Variants in ADAMTS6 observed in about 807,000 individuals in gnomAD.
ADAMTS6 encodes the protein ADAM metallopeptidase with thrombospondin type 1 motif 6.
ADAMTS6 carries 23 observed loss-of-function variants against 144.3 expected under a neutral mutation model. The observed-to-expected ratio is 0.16, with a 90% confidence interval of 0.11 to 0.23. The LOEUF (loss-of-function observed/expected upper bound fraction) is 0.23. Among genes scored for constraint, ADAMTS6 ranks in the 10% least tolerant of loss-of-function variants. The pLI, the probability that ADAMTS6 is intolerant of heterozygous loss-of-function variation, is 1.00. For missense variants in ADAMTS6, 999 were observed against 1,379.6 expected (o/e 0.72, Z 4.37); for synonymous variants, 444 against 457.5 (o/e 0.97, Z 0.38).
intron 9 of ADAMTS6, among the ~76,000 whole-genome samples, chr5:65,309,148 T>C (rs1444023316): frequency 6.6e-6 from 1 of 151,996 alleles, no homozygotes; most frequent in Non-Finnish European, 1.5e-5. Context: ...TCAGGGTGAT[T>C]GAAGCACATT....
Position 65,216,355 on chromosome 5 carries a change from C to T in ADAMTS6, c.2273-868G>A, listed in dbSNP as rs566906001. Among the ~76,000 whole-genome samples the T allele has an allele frequency of 2.0e-5, 3 of 146,722 alleles. No individual in the cohort carries two copies. In the South Asian group the frequency reaches 6.4e-4, roughly 31 times the overall value. ...GGAAAGATCACATATAGTATGCTTC[C>T]ATCTATATAAAATGTCCAGAGTAGG... On this transcript the variant is annotated intron_variant, in intron 18 of 24. Transcript: ENST00000381055.
rs1266922555 is a variant in ADAMTS6, at chr5:65,481,430, C to CT, written c.-368dup. On this transcript the variant is annotated 5_prime_UTR_variant, in exon 1 of 25. Transcript: ENST00000381055. ...CTCACGTACTCCCTCTCCTCTCTAA[C>CT]TTTTTTTAATTTTTTTTATTTTTTT... 6 of 152,168 alleles carry CT rather than the reference C, an allele frequency of 3.9e-5. No homozygotes were observed. In the East Asian group the frequency reaches 1.2e-3, roughly 29 times the overall value. 9.4% of individuals were successfully genotyped at this position (152,168 alleles called of 1,614,324 possible).
chr5:65,221,449 C>T (rs1400160050), intron 18 of ADAMTS6, among the ~76,000 whole-genome samples: 1 of 152,140 alleles, frequency 6.6e-6, no homozygotes. Flanking sequence ...ATGACTAAAA[C>T]TCTAATAAAA....
At chr5:65,421,029 G>A (rs985153575) in intron 7 of ADAMTS6, among the ~76,000 whole-genome samples, 1 of 152,150 alleles carries the variant, frequency 6.6e-6, no homozygotes, top group African/African-American at 2.4e-5. Context: ...CTGCCAATGT[G>A]TGTATCTTTT....
intron 7 of ADAMTS6, among the ~76,000 whole-genome samples, chr5:65,398,542 T>A (rs1372994992): frequency 2.6e-5 from 4 of 151,878 alleles, no homozygotes; most frequent in Non-Finnish European, 5.9e-5. Context: ...CTGGCCAACA[T>A]GGCAAAACCT....
chr5:65,449,796 T>C (rs1294649583), intron 7 of ADAMTS6, among the ~76,000 whole-genome samples: 1 of 152,178 alleles, frequency 6.6e-6, no homozygotes, highest in Non-Finnish European at 1.5e-5. Context: ...TTGTAGCCAG[T>C]GCAAAGAAAG....
intron 18 of ADAMTS6, among the ~76,000 whole-genome samples, chr5:65,223,503 C>A (rs1406047494): frequency 6.6e-6 from 1 of 152,142 alleles, no homozygotes; most frequent in East Asian, 1.9e-4. Context: ...CTGGTAAATA[C>A]TCTTACACTC....
intron 9 of ADAMTS6, among the ~76,000 whole-genome samples, chr5:65,323,059 G>T (rs1267774205): frequency 6.6e-6 from 1 of 151,978 alleles, no homozygotes; most frequent in Non-Finnish European, 1.5e-5. Flanking sequence ...ACCAAAACTG[G>T]ACAAAGGCAT....
intron 1 of ADAMTS6, among the ~76,000 whole-genome samples, chr5:65,479,696 T>TTAC (rs1761073983): frequency 1.3e-5 from 2 of 152,324 alleles, no homozygotes; most frequent in Non-Finnish European, 2.9e-5. Flanking sequence ...CCCATCCTAG[T>TTAC]TACTACTACT....
intron 9 of ADAMTS6, among the ~76,000 whole-genome samples, chr5:65,321,941 C>T (rs553914858): frequency 2.4e-3 from 358 of 152,020 alleles, no homozygotes; most frequent in Non-Finnish European, 3.8e-3. Flanking sequence ...GTCTCAAACT[C>T]CTGACCTCAG....
At position 65,470,995 on chromosome 5, in the gene ADAMTS6, A is replaced by C; in HGVS notation, c.245T>G (p.Val82Gly). The change falls in exon 3 of 25, where the codon GTA (valine) becomes GGA (glycine). Residue 82 changes from valine (V) to glycine (G), a missense_variant. Val to Gly is a moderately radical substitution (Grantham distance 109). Coordinates refer to ENST00000381055, the MANE Select transcript of ADAMTS6 (RefSeq NM_197941.4). ...TGAAAGTTTAAAAAATAACTTAGAT[A>C]CTGCCTGCTGTGGATCAATAGGGTC... ...SMDPIDPQQA[V>G]SKLFFKLSAY... 1 of 1,612,962 alleles carries C rather than the reference A, an allele frequency of 6.2e-7. No individual in the cohort carries two copies. The highest frequency in any genetic ancestry group is 1.1e-5 in the South Asian group (1 of 90,906).
At chr5:65,260,756 C>T in intron 13 of ADAMTS6, 93 bp from the exon 14 acceptor site, 1 of 897,204 alleles carries the variant, frequency 1.1e-6, no homozygotes, top group South Asian at 2.0e-5. Context: ...CTAAAGTTTA[C>T]TTTCAAAAAA....
chr5:65,288,713 C>T (rs1337956568), intron 11 of ADAMTS6, among the ~76,000 whole-genome samples: 3 of 152,162 alleles, frequency 2.0e-5, no homozygotes, highest in Non-Finnish European at 4.4e-5. Context: ...AGATGTATCT[C>T]CTCTCAAAAA....
At chr5:65,226,541 T>G (rs1220102743) in intron 15 of ADAMTS6, among the ~76,000 whole-genome samples, 1 of 151,944 alleles carries the variant, frequency 6.6e-6, no homozygotes, top group Non-Finnish European at 1.5e-5. Flanking sequence ...TAAAAAGGGA[T>G]CATAGTGAAG....
rs55933758 is a variant in ADAMTS6 at position 65,256,961 on chromosome 5, T to TTCTCTCTC, written c.1830+3631_1830+3638dup. ...TGGTTTAATAAATAAGGGTCACTTT[T>TTCTCTCTC]TCTCTCTCTCTCTCTCTCTCTCTCT... On this transcript the variant is annotated intron_variant, in intron 14 of 24. Transcript: ENST00000381055. Among the ~76,000 whole-genome samples, 257 of 118,038 alleles carry TTCTCTCTC rather than the reference T, an allele frequency of 2.2e-3. 4 individuals carry two copies. The highest frequency in any genetic ancestry group is 9.3e-3 in the African/African-American group (240 of 25,936). 77.4% of individuals were successfully genotyped at this position (118,038 alleles called of 152,430 possible). A position where few individuals can be genotyped will look rare whatever the true frequency, so the allele number is the denominator to read the frequency against.
intron 21 of ADAMTS6, among the ~76,000 whole-genome samples, chr5:65,196,567 T>C (rs1016585917): frequency 6.9e-6 from 1 of 143,898 alleles, no homozygotes; most frequent in Admixed American, 7.1e-5. Context: ...TCTTTAGATC[T>C]TTAGGACAAA....
intron 7 of ADAMTS6, among the ~76,000 whole-genome samples, chr5:65,437,939 T>A (rs1757568951): frequency 6.6e-6 from 1 of 152,248 alleles, no homozygotes; most frequent in Admixed American, 6.5e-5. Flanking sequence ...AAAGTATTTT[T>A]AATATTCAAG....
chr5:65,291,427 C>G lies in ADAMTS6; in HGVS notation c.1414G>C (p.Asp472His). ...GGGGCCACAGCTGGATAAAGAAAGT[C>G]ACGCTTGGGAGGCTCATTATCAAGG... is the stretch of plus-strand genomic sequence containing the variant. The part of the protein sequence containing the change: ...TCLDNEPPKR[D>H]FLYPAVAPGQ... Residue 472 changes from aspartate (D) to histidine (H), a missense_variant, in exon 11 of 25, where the codon GAC becomes CAC. Coordinates refer to ENST00000381055, the MANE Select transcript of ADAMTS6 (RefSeq NM_197941.4). The G allele has an allele frequency of 6.2e-7, 1 of 1,613,972 alleles. No individual in the cohort carries two copies. The highest frequency in any genetic ancestry group is 8.5e-7 in the Non-Finnish European group (1 of 1,179,934).
intron 7 of ADAMTS6, among the ~76,000 whole-genome samples, chr5:65,356,415 C>T (rs1204876606): frequency 6.6e-6 from 1 of 151,782 alleles, no homozygotes; most frequent in African/African-American, 2.4e-5. Context: ...ATCATTGAAC[C>T]TCTCCACAAT....
Sources: gnomAD v4.1 joint callset for allele counts (sites outside exome capture counted in the v4.1 genomes callset) on GRCh38, gnomAD v4.1.1 for gene constraint, MANE v1.5 for transcripts, NCBI Gene and HGNC (gene_info 2026-07-23, HGNC 2026-07-21) for gene names.